MYH7: variants seen among roughly 807,000 people sequenced by gnomAD.
MYH7 encodes myosin heavy chain 7, also known as myosin-7.
Under a neutral mutation model 225.4 loss-of-function variants are expected in MYH7, and 129 were observed. The observed-to-expected ratio is 0.57, with a 90% CI of 0.50 to 0.66. MYH7 has a LOEUF of 0.66. Among genes scored for constraint, MYH7 ranks in the 30% least tolerant of loss-of-function variants. The pLI is 0.00. For synonymous variants in MYH7, 971 were observed against 1,007.6 expected, an observed-to-expected ratio of 0.96 and a Z score of 0.69; for missense variants, 1,649 against 2,517.0, an observed-to-expected ratio of 0.66 and a Z score of 7.38.
At chr14:23,427,986 C>A (rs531894964) in intron 15 of MYH7, 92 bp from the exon 16 acceptor site, 5 of 1,515,958 alleles carry the variant, frequency 3.3e-6, no homozygotes, top group Non-Finnish European at 4.5e-6. Context: ...CGTGGAGGTG[C>A]CATGTTGGGT....
chr14:23,431,334 G>T, intron 9 of MYH7, 84 bp downstream of exon 9: 1 of 1,329,870 alleles, frequency 7.5e-7, no homozygotes, highest in Non-Finnish European at 1.1e-6. Flanking sequence ...CAGAGGGAGG[G>T]AGGGGAGAGA....
chr14:23,422,046 G>T lies in MYH7; in HGVS notation c.3245+134C>A, dbSNP rs542112465. On this transcript the variant is annotated intron_variant, in intron 25 of 39. Coordinates refer to ENST00000355349, the MANE Select transcript of MYH7 (RefSeq NM_000257.4). Reference sequence around the variant, plus strand: ...GGGGAGGAAAGCCCTTGCCTGGGAGGCCTTTTCCCATGGTTTGCGCCTCCA... The same window carrying T: ...GGGGAGGAAAGCCCTTGCCTGGGAGTCCTTTTCCCATGGTTTGCGCCTCCA... 5.1e-6 allele frequency: 7 copies of T among 1,376,164 alleles called. No individual in the cohort carries two copies. In the African/African-American group the frequency reaches 8.6e-5, roughly 17 times the overall value. The allele number at this position is 1,376,164 out of a possible 1,614,324, so 85.2% of individuals were successfully genotyped here. A position where few individuals can be genotyped will look rare whatever the true frequency, so the allele number is the denominator to read the frequency against.
Position 23,414,122 on chromosome 14 carries a change from C to A in MYH7, c.5560-20G>T. The A allele has an allele frequency of 1.9e-6, 3 of 1,606,884 alleles. No individual in the cohort carries two copies. The highest frequency in any genetic ancestry group is 2.5e-6 in the Non-Finnish European group (3 of 1,178,060). On this transcript the variant is annotated intron_variant, in intron 37 of 39. Coordinates refer to ENST00000355349, the MANE Select transcript of MYH7 (RefSeq NM_000257.4). ...CTCCGTCTGGGGGCCAGAGGGTAGG[C>A]AGGGGGTGAAGATGGCACAGTCATA...
At chr14:23,416,356 C>T in intron 33 of MYH7, 44 bp from the exon 34 acceptor site, 2 of 1,597,540 alleles carry the variant, frequency 1.3e-6, no homozygotes, top group Non-Finnish European at 1.7e-6. Context: ...ACAGTCAGGG[C>T]ACAGGGCAGG....
intron 5 of MYH7, 66 bp from the exon 6 acceptor site, chr14:23,432,572 T>G: frequency 6.2e-7 from 1 of 1,614,124 alleles, no homozygotes; most frequent in Non-Finnish European, 8.5e-7. Context: ...GGCTTCTCCC[T>G]TCCTTCTCCC....
rs376572023 is a variant in MYH7, at chr14:23,427,586, C to T, written c.1887G>A (p.Ala629=). The T allele has an allele frequency of 3.7e-5, 59 of 1,613,930 alleles. No homozygotes were observed. The highest frequency in any genetic ancestry group is 2.0e-4 in the East Asian group (9 of 44,902). The stretch of plus-strand genomic sequence containing the variant: ...CCGGGAGCCTCAGTCCCTACTTACG[C>T]GCATCAGCCCCAGCATAGTTGGCAA... The part of the protein sequence containing the change: ...TLFANYAGAD[A]PIEKGKGKAK... The change falls in exon 16 of 40, where the codon GCG becomes GCA. Residue 629 remains alanine, a splice_region_variant and synonymous_variant. Coordinates refer to ENST00000355349, the MANE Select transcript of MYH7 (RefSeq NM_000257.4).
At chr14:23,431,957 G>T (rs940961996) in intron 6 of MYH7, 88 bp from the exon 7 acceptor site, 3 of 1,352,836 alleles carry the variant, frequency 2.2e-6, no homozygotes, top group Non-Finnish European at 2.1e-6. Flanking sequence ...GGGCCTACCC[G>T]AGAGTAGGAG....
In MYH7 at chr14:23,415,721, G is replaced by T. The variant is rs730880915; in HGVS notation, c.5065C>A (p.Arg1689Ser). 1.9e-6 allele frequency: 3 copies of T among 1,614,126 alleles called. No individual in the cohort carries two copies. The highest frequency in any genetic ancestry group is 2.7e-5 in the African/African-American group (2 of 75,022). Residue 1689 changes from arginine (R) to serine (S), a missense_variant, in exon 35 of 40, where the codon CGT becomes AGT. Physicochemically the swap from Arg to Ser is moderately radical, Grantham distance 110. This residue lies in a region of MYH7 where 687 missense variants were observed against 913.8 expected (regional missense o/e 0.75). Transcript: ENST00000355349. This position sits in a 1 kb window ranked among gnomAD's most constrained non-coding sequence, Gnocchi z 6.3. ...CGCTCTGTCTGCTCCACCACGGCAC[G>T]CAACTCCTCCAGCTCAGCCTGCAGC... The part of the protein sequence containing the change: ...NLLQAELEEL[R>S]AVVEQTERSR...
chr14:23,421,208 G>A (rs1466878010), intron 25 of MYH7, among the ~76,000 whole-genome samples, 160 bp from the exon 26 acceptor site: 3 of 152,206 alleles, frequency 2.0e-5, no homozygotes, highest in Non-Finnish European at 2.9e-5. Flanking sequence ...AACACCTGCG[G>A]TGAGATTGAA....
rs1384488225 is a variant in MYH7, at chr14:23,419,595, CT to C, written c.3740del (p.Lys1247ArgfsTer10). The part of the protein sequence containing the change: ...QIIKAKANLE[K>X]MCRTLEDQMN... Reference sequence around the variant, plus strand: ...TCTGGTCTTCCAAGGTCCGGCACATCTTCTCCAGGTTAGCCTGAGAAGGGAA... The same window carrying C: ...TCTGGTCTTCCAAGGTCCGGCACATCTCTCCAGGTTAGCCTGAGAAGGGAA... On this transcript the variant is annotated frameshift_variant, in exon 28 of 40. Transcript: ENST00000355349. LOFTEE classifies it high-confidence loss of function. 2.7e-5 allele frequency: 43 copies of C among 1,613,402 alleles called. No individual in the cohort carries two copies. Among genetic ancestry groups the C allele is most frequent in the Non-Finnish European group, 3.6e-5 (43 of 1,179,974 alleles).
intron 23 of MYH7, 84 bp from the exon 24 acceptor site, chr14:23,423,807 T>C: frequency 6.2e-7 from 1 of 1,613,394 alleles, no homozygotes; most frequent in Non-Finnish European, 8.5e-7. Context: ...TCAAGGTCCA[T>C]GCTGCTCTCT....
rs777589215 is a variant in MYH7, at chr14:23,418,241, T to C, written c.4138A>G (p.Ile1380Val). The change falls in exon 30 of 40, where the codon ATT becomes GTT. Residue 1380 changes from isoleucine to valine, a missense_variant. Physicochemically the swap from Ile to Val is conservative, Grantham distance 29. Coordinates refer to ENST00000355349, the MANE Select transcript of MYH7 (RefSeq NM_000257.4). ...QWRTKYETDA[I>V]QRTEELEEAK... ...TCCTCGAGCTCCTCAGTCCGCTGAATGGCGTCCGTCTCATACTTGGTCCTC... is the reference window on the plus strand; with the variant it reads ...TCCTCGAGCTCCTCAGTCCGCTGAACGGCGTCCGTCTCATACTTGGTCCTC... The C allele has an allele frequency of 5.6e-6, 9 of 1,613,538 alleles. No homozygotes were observed. Among genetic ancestry groups the C allele is most frequent in the Non-Finnish European group, 7.6e-6 (9 of 1,180,022 alleles).
intron 27 of MYH7, 112 bp downstream of exon 27, chr14:23,419,733 C>A (rs1250162447): frequency 1.4e-5 from 23 of 1,612,170 alleles, no homozygotes; most frequent in Non-Finnish European, 1.6e-5. Flanking sequence ...ATCTGAGAAC[C>A]AGGCAGAGGA....
At chr14:23,413,923 G>T (rs1180120650) in intron 38 of MYH7, 30 bp from the exon 39 acceptor site, 20 of 1,614,206 alleles carry the variant, frequency 1.2e-5, no homozygotes, top group Non-Finnish European at 1.6e-5. Flanking sequence ...GAGGTGAGAG[G>T]GGGCCTGGGT....
Position 23,427,736 on chromosome 14 carries a change from C to A in MYH7, c.1737G>T (p.Leu579=). ...AGTCCACGATGCCGGCATAGTGGAT[C>A]AGGGAGAAGTGGGCTTCAGGCTTCC... The part of the protein sequence containing the change: ...IKGKPEAHFS[L]IHYAGIVDYN... The change falls in exon 16 of 40, where the codon CTG becomes CTT. Residue 579 remains leucine, a synonymous_variant. Transcript: ENST00000355349. 6.2e-7 allele frequency: 1 copy of A among 1,614,188 alleles called. No homozygotes were observed. The highest frequency in any genetic ancestry group is 2.2e-5 in the East Asian group (1 of 44,890).
chr14:23,435,403 G>A (rs1893103412), intron 1 of MYH7, among the ~76,000 whole-genome samples: 1 of 145,628 alleles, frequency 6.9e-6, no homozygotes, highest in South Asian at 2.2e-4. Flanking sequence ...CACACACCCT[G>A]TAATGCATAT....
intron 24 of MYH7, 77 bp from the exon 25 acceptor site, chr14:23,422,402 A>G: frequency 6.2e-7 from 1 of 1,602,394 alleles, no homozygotes; most frequent in Non-Finnish European, 8.5e-7. Context: ...TTACCTCAGG[A>G]CTTGGTAAAT....
intron 28 of MYH7, 75 bp from the exon 29 acceptor site, chr14:23,419,370 T>C (rs915523995): frequency 1.2e-6 from 2 of 1,612,686 alleles, no homozygotes; most frequent in East Asian, 4.5e-5. Flanking sequence ...CCCCATTTTC[T>C]GGAGAGACTC....
chr14:23,431,102 G>A (rs997529605), intron 9 of MYH7, 103 bp from the exon 10 acceptor site: 10 of 827,476 alleles, frequency 1.2e-5, no homozygotes, highest in African/African-American at 1.0e-4. Flanking sequence ...GGGAAGGGAA[G>A]AGCCAGAGAG....
Sources: gnomAD v4.1 joint callset for allele counts (sites outside exome capture counted in the v4.1 genomes callset) on GRCh38, gnomAD v4.1.1 for gene constraint, gnomAD v4.1.1 regional missense constraint, Gnocchi (gnomAD v3.1) non-coding constraint, MANE v1.5 for transcripts, NCBI Gene and HGNC (gene_info 2026-07-23, HGNC 2026-07-21) for gene names.